Variants in ERC2 observed in about 807,000 individuals in gnomAD.
ERC2 encodes ELKS/RAB6-interacting/CAST family member 2, also known as ERC protein 2.
ERC2 carries 42 observed loss-of-function variants against 114.8 expected under a neutral mutation model. That is an observed-to-expected ratio of 0.37 (90% confidence interval 0.29 to 0.47). The LOEUF is 0.47. ERC2 is among the 20% of genes least tolerant of loss of function. The pLI, the probability that ERC2 is intolerant of heterozygous loss-of-function variation, is 0.99. For synonymous variants in ERC2, 454 were observed against 425.5 expected, an observed-to-expected ratio of 1.07 and a Z score of -0.82; for missense variants, 939 against 1,150.7, an observed-to-expected ratio of 0.82 and a Z score of 2.66.
At chr3:55,562,820 G>A (rs1038316913) in intron 17 of ERC2, among the ~76,000 whole-genome samples, 10 of 151,256 alleles carry the variant, frequency 6.6e-5, no homozygotes, top group Non-Finnish European at 1.2e-4. Context: ...AAATTTTTTT[G>A]TTGTTGTTTA....
chr3:56,423,629 T>C (rs1309825147), intron 2 of ERC2, among the ~76,000 whole-genome samples: 1 of 152,220 alleles, frequency 6.6e-6, no homozygotes, highest in Non-Finnish European at 1.5e-5. Context: ...AGATCTTTCC[T>C]ACTGAAAAAC....
At position 56,054,136 on chromosome 3, in the gene ERC2, A is replaced by G. The variant is rs183735761; in HGVS notation, c.1641+26681T>C. Among the ~76,000 whole-genome samples, 885 of 152,352 alleles carry G rather than the reference A, an allele frequency of 5.8e-3. 5 individuals are homozygous for G. Among genetic ancestry groups the G allele is most frequent in the Non-Finnish European group, 7.3e-3 (495 of 68,034 alleles). On this transcript the variant is annotated intron_variant, in intron 7 of 17. Transcript: ENST00000288221. ...GCTTAAAGTTATACTCTCTGGAAAA[A>G]CAGAGAATGATATAAAGTTGGTCTT...
intron 13 of ERC2, among the ~76,000 whole-genome samples, chr3:55,927,061 C>T (rs761673081): frequency 2.6e-5 from 4 of 152,100 alleles, no homozygotes; most frequent in African/African-American, 9.7e-5. Context: ...AAGTTGGACC[C>T]CTGTCCATTC....
rs571525635 is a variant in ERC2 at position 56,177,995 on chromosome 3, G to A, written c.1075-4475C>T. ...CAAACCCCACATTATATATTTTCCT[G>A]TAATTTCATGACAAGGTTGGCTTTA... On this transcript the variant is annotated intron_variant, in intron 3 of 17. Transcript: ENST00000288221. 2.0e-5 allele frequency among the ~76,000 whole-genome samples: 3 copies of A among 152,250 alleles called. No individual in the cohort carries two copies. The South Asian group carries it at 6.2e-4, about 32-fold the overall frequency.
chr3:55,825,622 A>G (rs1201487389), intron 14 of ERC2, among the ~76,000 whole-genome samples: 2 of 152,088 alleles, frequency 1.3e-5, no homozygotes, highest in Non-Finnish European at 2.9e-5. Flanking sequence ...TTACTTCTGA[A>G]TTTTTTCTAA....
At chr3:55,892,105 G>T (rs1331432239) in intron 13 of ERC2, among the ~76,000 whole-genome samples, 1 of 152,144 alleles carries the variant, frequency 6.6e-6, no homozygotes, top group Non-Finnish European at 1.5e-5. Flanking sequence ...GAACCCTATT[G>T]CTTGCTTATC....
intron 17 of ERC2, among the ~76,000 whole-genome samples, chr3:55,531,495 C>A (rs932585312): frequency 6.6e-6 from 1 of 152,154 alleles, no homozygotes; most frequent in African/African-American, 2.4e-5. Flanking sequence ...TGTGTCCTTG[C>A]TGCCATTTTT....
chr3:56,241,469 T>C (rs2051317307), intron 3 of ERC2, among the ~76,000 whole-genome samples: 1 of 152,198 alleles, frequency 6.6e-6, no homozygotes, highest in African/African-American at 2.4e-5. Context: ...ATAACAGCTC[T>C]ATGGAAAACA....
At chr3:55,985,542 C>G (rs1350801446) in intron 12 of ERC2, among the ~76,000 whole-genome samples, 1 of 152,184 alleles carries the variant, frequency 6.6e-6, no homozygotes. Flanking sequence ...AAAGTCTGAA[C>G]AGTTTGCACT....
chr3:56,208,536 A>G (rs1386834576), intron 3 of ERC2, among the ~76,000 whole-genome samples: 1 of 152,204 alleles, frequency 6.6e-6, no homozygotes, highest in African/African-American at 2.4e-5. Context: ...AACAGCAAAC[A>G]CAAGGCCAAG....
intron 2 of ERC2, among the ~76,000 whole-genome samples, chr3:56,352,692 G>A (rs76943395): frequency 0.044 from 6,732 of 152,288 alleles, 208 homozygotes; most frequent in Non-Finnish European, 0.068. Context: ...CTGCAAGGGT[G>A]TAATCAAGGT....
chr3:56,434,538 A>C lies in ERC2; in HGVS notation c.470T>G (p.Leu157Arg), dbSNP rs1313422421. ...MLDLQAQLKE[L>R]QRENDLLRKE... ...CCGGAGGAGGTCATTCTCTCTCTGC[A>C]GTTCTTTCAGCTGGGCCTGAAGATC... The change falls in exon 2 of 18, where the codon CTG (leucine) becomes CGG (arginine). Residue 157 changes from leucine to arginine, a missense_variant. By Grantham distance (102) the Leu-to-Arg change is moderately radical. Around this residue, in one of 5 missense-constraint regions of ERC2, gnomAD observed 281 missense variants for 307.4 expected, o/e 0.91. Coordinates refer to ENST00000288221, the MANE Select transcript of ERC2 (RefSeq NM_015576.3). 8 of 1,613,960 alleles carry C rather than the reference A, an allele frequency of 5.0e-6. No homozygotes were observed. The highest frequency in any genetic ancestry group is 6.8e-6 in the Non-Finnish European group (8 of 1,179,882).
intron 1 of ERC2, among the ~76,000 whole-genome samples, chr3:56,440,651 G>A (rs1430431725): frequency 1.3e-5 from 2 of 151,992 alleles, no homozygotes; most frequent in African/African-American, 2.4e-5. Context: ...GAGGACAGCA[G>A]TTCAAAACTA....
chr3:55,957,056 A>G (rs1490591949), intron 12 of ERC2, among the ~76,000 whole-genome samples: 1 of 152,190 alleles, frequency 6.6e-6, no homozygotes, highest in Non-Finnish European at 1.5e-5. Flanking sequence ...ACACACCAAG[A>G]ACATGATAAC....
intron 13 of ERC2, among the ~76,000 whole-genome samples, chr3:55,899,378 G>C (rs1053760100): frequency 1.8e-4 from 27 of 151,958 alleles, no homozygotes; most frequent in African/African-American, 6.5e-4. Context: ...ATAAAAATCA[G>C]AATAAAAGTT....
intron 17 of ERC2, among the ~76,000 whole-genome samples, chr3:55,637,604 C>T (rs750661320): frequency 4.6e-5 from 7 of 152,178 alleles, no homozygotes; most frequent in Admixed American, 2.0e-4. Flanking sequence ...GTGCAAATGG[C>T]AGCTTGAATG....
intron 14 of ERC2, among the ~76,000 whole-genome samples, chr3:55,842,219 T>C (rs1022751315): frequency 3.9e-5 from 6 of 152,206 alleles, no homozygotes; most frequent in Admixed American, 2.6e-4. Context: ...GGTTGGCTAA[T>C]TCCAGAGCTA....
intron 7 of ERC2, among the ~76,000 whole-genome samples, chr3:56,023,616 C>T (rs2073860230): frequency 6.6e-6 from 1 of 152,124 alleles, no homozygotes; most frequent in African/African-American, 2.4e-5. Flanking sequence ...TTTTCATACA[C>T]TATTAAAATT....
chr3:55,615,898 C>T (rs1010649815), intron 17 of ERC2, among the ~76,000 whole-genome samples: 1 of 152,194 alleles, frequency 6.6e-6, no homozygotes, highest in Non-Finnish European at 1.5e-5. Flanking sequence ...GGGTAAGAGG[C>T]AGCTTACTTG....
Sources: gnomAD v4.1 joint callset for allele counts (sites outside exome capture counted in the v4.1 genomes callset) on GRCh38, gnomAD v4.1.1 for gene constraint, gnomAD v4.1.1 regional missense constraint, MANE v1.5 for transcripts, NCBI Gene and HGNC (gene_info 2026-07-23, HGNC 2026-07-21) for gene names.